Variants in JAKMIP3 observed in about 807,000 individuals in gnomAD.
JAKMIP3 encodes the protein Janus kinase and microtubule interacting protein 3, also known as janus kinase and microtubule-interacting protein 3.
JAKMIP3 carries 58 observed loss-of-function variants against 118.5 expected under a neutral mutation model. That is an observed-to-expected ratio of 0.49 (90% CI 0.40 to 0.61). JAKMIP3 has a LOEUF of 0.61. Ranked by LOEUF, JAKMIP3 falls within the 20% of genes least tolerant of loss-of-function variation. The probability of loss-of-function intolerance (pLI) is 0.00; values close to 1 mark genes in which losing one functional copy is unlikely to be tolerated. For synonymous variants in JAKMIP3, 486 were observed against 451.2 expected (o/e 1.08, Z -0.98); for missense variants, 950 against 1,109.0 (o/e 0.86, Z 2.04).
At chr10:132,047,863 T>G in intron 1 of JAKMIP3, among the ~76,000 whole-genome samples, 1 of 113,714 alleles carries the variant, frequency 8.8e-6, no homozygotes, top group Non-Finnish European at 1.8e-5. Flanking sequence ...GAACTGTGTG[T>G]TCCCCACCCC....
intron 1 of JAKMIP3, among the ~76,000 whole-genome samples, chr10:132,042,184 C>CTTCCTTACTTCCTTCCTTCCTTCCTTCCT (rs1554909339): frequency 1.5e-5 from 2 of 132,096 alleles, no homozygotes; most frequent in African/African-American, 6.0e-5. Context: ...TGCTCGCTCG[C>CTTCCTTACTTCCTTCCTTCCTTCCTTCCT]TCCTTCCTTC....
chr10:132,046,153 CATAG>C (rs1383690912), intron 1 of JAKMIP3, among the ~76,000 whole-genome samples: 1 of 152,032 alleles, frequency 6.6e-6, no homozygotes, highest in Non-Finnish European at 1.5e-5. Context: ...TCTGACTTCA[CATAG>C]ATAAAGCCGT....
At position 132,097,934 on chromosome 10, in the gene JAKMIP3, CCCCTTT is replaced by C. The variant is rs1365496996; in HGVS notation, c.-137-6728_-137-6723del. Among the ~76,000 whole-genome samples the C allele has an allele frequency of 2.6e-4, 9 of 34,438 alleles. 2 individuals are homozygous for C. Among genetic ancestry groups the C allele is most frequent in the African/African-American group, 8.3e-4 (9 of 10,842 alleles). 22.6% of individuals were successfully genotyped at this position (34,438 alleles called of 152,430 possible). A position where few individuals can be genotyped will look rare whatever the true frequency, so the allele number is the denominator to read the frequency against. On this transcript the variant is annotated intron_variant, in intron 1 of 23. Transcript: ENST00000684848. The stretch of plus-strand genomic sequence containing the variant: ...TTCCCCTTCCCCTTTCCTTCCCCTT[CCCCTTT>C]CCCTTTCCCATCCCCTTTCCCTTTC...
At chr10:132,161,711 T>G (rs1371183513) in intron 19 of JAKMIP3, among the ~76,000 whole-genome samples, 2 of 19,290 alleles carry the variant, frequency 1.0e-4, no homozygotes, top group Non-Finnish European at 1.7e-4. Context: ...TGCTGGGGGG[T>G]ATCTCTCCCT....
chr10:132,068,027 G>C (rs886293443), intron 1 of JAKMIP3, among the ~76,000 whole-genome samples: 1 of 145,060 alleles, frequency 6.9e-6, no homozygotes, highest in Non-Finnish European at 1.5e-5. Context: ...ATGGGCTTCC[G>C]TGTGGACTGT....
At chr10:132,066,957 T>C (rs1376197356) in intron 1 of JAKMIP3, among the ~76,000 whole-genome samples, 1 of 152,072 alleles carries the variant, frequency 6.6e-6, no homozygotes, top group African/African-American at 2.4e-5. Context: ...TTGTTCACAG[T>C]GTGGGAGAAC....
chr10:132,146,176 T>C, intron 13 of JAKMIP3, among the ~76,000 whole-genome samples: 1 of 128,592 alleles, frequency 7.8e-6, no homozygotes, highest in Non-Finnish European at 1.6e-5. Context: ...CTTTGTGGTC[T>C]GGAAGACTAT....
At chr10:132,180,742 C>CGCGTGTGCGTGTGTGTGTGTGTGT (rs1412152341) in intron 23 of JAKMIP3, among the ~76,000 whole-genome samples, 1 of 8,716 alleles carries the variant, frequency 1.1e-4, no homozygotes, top group Non-Finnish European at 2.2e-4. Flanking sequence ...TGTGTGCGTG[C>CGCGTGTGCGTGTGTGTGTGTGTGT]GTGCGCGCGC....
intron 1 of JAKMIP3, among the ~76,000 whole-genome samples, chr10:132,041,991 C>T (rs528752090): frequency 2.0e-5 from 3 of 151,804 alleles, no homozygotes; most frequent in African/African-American, 4.8e-5. Context: ...CTCAGCCTCC[C>T]GAATAGCTGG....
chr10:132,053,577 G>T (rs2038153380), intron 1 of JAKMIP3, among the ~76,000 whole-genome samples: 1 of 152,188 alleles, frequency 6.6e-6, no homozygotes, highest in Admixed American at 6.5e-5. Flanking sequence ...CAGCACTTTT[G>T]TTACCTTAAG....
At chr10:132,091,762 C>T (rs1237480443) in intron 1 of JAKMIP3, among the ~76,000 whole-genome samples, 1 of 152,136 alleles carries the variant, frequency 6.6e-6, no homozygotes, top group Admixed American at 6.5e-5. Context: ...GAGCATTTAG[C>T]CCATTTACAT....
intron 1 of JAKMIP3, among the ~76,000 whole-genome samples, chr10:132,054,712 C>T (rs896977155): frequency 6.6e-6 from 1 of 152,222 alleles, no homozygotes; most frequent in Non-Finnish European, 1.5e-5. Flanking sequence ...AAGGTGTGGT[C>T]AGTGAGCTGA....
chr10:132,131,703 C>T (rs1346270066), intron 3 of JAKMIP3, among the ~76,000 whole-genome samples: 1 of 152,076 alleles, frequency 6.6e-6, no homozygotes, highest in Non-Finnish European at 1.5e-5. Context: ...GTGATGCTTG[C>T]AGCCTGGTGC....
intron 19 of JAKMIP3, among the ~76,000 whole-genome samples, chr10:132,159,641 G>GC (rs1564981709): frequency 1.4e-5 from 1 of 70,844 alleles, no homozygotes; most frequent in African/African-American, 5.0e-5. Flanking sequence ...TTGTGATGCT[G>GC]GGGGGCCTCT....
At chr10:132,141,538 G>A (rs887519109) in intron 10 of JAKMIP3, among the ~76,000 whole-genome samples, 6 of 152,166 alleles carry the variant, frequency 3.9e-5, no homozygotes, top group East Asian at 1.9e-4. Context: ...AGAGCAGAGC[G>A]TGTGCAGGCC....
intron 1 of JAKMIP3, among the ~76,000 whole-genome samples, chr10:132,055,841 C>A (rs2038223901): frequency 1.3e-5 from 2 of 152,302 alleles, no homozygotes; most frequent in South Asian, 4.1e-4. Context: ...CAGTAATTAG[C>A]CTTCTCCCCA....
At chr10:132,064,711 G>A (rs953848701), upstream of JAKMIP3, among the ~76,000 whole-genome samples, 3 of 152,216 alleles carry the variant, frequency 2.0e-5, no homozygotes, top group Admixed American at 1.3e-4. This position sits in a 1 kb window ranked among gnomAD's most constrained non-coding sequence, Gnocchi z 4.4. Context: ...TTGGCCAGAC[G>A]TGTGGCCATG....
intron 1 of JAKMIP3, among the ~76,000 whole-genome samples, chr10:132,069,608 C>T (rs1190199694): frequency 6.6e-6 from 1 of 151,670 alleles, no homozygotes; most frequent in African/African-American, 2.4e-5. Context: ...TGTGGTCAAC[C>T]TCCTGTTGTG....
At chr10:132,092,596 G>A (rs1049022390) in intron 1 of JAKMIP3, among the ~76,000 whole-genome samples, 6 of 152,120 alleles carry the variant, frequency 3.9e-5, no homozygotes, top group East Asian at 1.9e-4. Flanking sequence ...CGTAGTTCTC[G>A]TGCCATGTTT....
Sources: gnomAD v4.1 joint callset for allele counts (sites outside exome capture counted in the v4.1 genomes callset) on GRCh38, gnomAD v4.1.1 for gene constraint, Gnocchi (gnomAD v3.1) non-coding constraint, MANE v1.5 for transcripts, NCBI Gene and HGNC (gene_info 2026-07-23, HGNC 2026-07-21) for gene names.